FBXW2: variants seen among roughly 807,000 people sequenced by gnomAD.
FBXW2 encodes F-box and WD repeat domain containing 2.
A neutral mutation model predicts 46.0 loss-of-function variants in FBXW2; 12 were observed. That is an observed-to-expected ratio of 0.26 (90% CI 0.17 to 0.42). The LOEUF is 0.42. FBXW2 is among the 10% of genes least tolerant of loss of function. The pLI is 1.00. For missense variants in FBXW2, 360 were observed against 537.0 expected, an observed-to-expected ratio of 0.67 and a Z score of 3.26; for synonymous variants, 203 against 209.6, an observed-to-expected ratio of 0.97 and a Z score of 0.27.
In FBXW2 at chr9:120,760,050, A is replaced by T. The variant is rs1292830838; in HGVS notation, c.*4509T>A. On this transcript the variant is annotated 3_prime_UTR_variant, in exon 8 of 8. Transcript: ENST00000608872. ...TAATGGGCATTGTGTCAAAAAAGTG[A>T]ATCTGTTCTTTTCATCAGACATTCT... The T allele has an allele frequency of 6.6e-6, 1 of 152,312 alleles. No homozygotes were observed. Among genetic ancestry groups the T allele is most frequent in the Admixed American group, 6.5e-5 (1 of 15,296 alleles). 9.4% of individuals were successfully genotyped at this position (152,312 alleles called of 1,614,324 possible). A position where few individuals can be genotyped will look rare whatever the true frequency, so the allele number is the denominator to read the frequency against.
At chr9:120,766,175 C>T (rs759905690) in intron 7 of FBXW2, among the ~76,000 whole-genome samples, 3 of 151,964 alleles carry the variant, frequency 2.0e-5, no homozygotes, top group Non-Finnish European at 4.4e-5. Context: ...GACCTGGAGA[C>T]CAGGACAAGG....
chr9:120,778,682 A>G (rs557805414), intron 3 of FBXW2, 137 bp from the exon 4 acceptor site: 1 of 741,502 alleles, frequency 1.3e-6, no homozygotes, highest in African/African-American at 1.8e-5. Context: ...GAAGAAATCA[A>G]AGCACGGAGA....
At chr9:120,782,757 G>A (rs971113582) in intron 3 of FBXW2, among the ~76,000 whole-genome samples, 3 of 152,082 alleles carry the variant, frequency 2.0e-5, no homozygotes, top group African/African-American at 2.4e-5. Context: ...TGGAAGAATC[G>A]CTTGAGTCCA....
intron 7 of FBXW2, among the ~76,000 whole-genome samples, chr9:120,766,907 T>C (rs1588024707): frequency 6.6e-6 from 1 of 152,346 alleles, no homozygotes; most frequent in East Asian, 1.9e-4. Context: ...TGCTGAGTGC[T>C]GGCTGGGCCC....
intron 7 of FBXW2, among the ~76,000 whole-genome samples, chr9:120,768,639 G>A (rs2044317091): frequency 6.6e-6 from 1 of 152,090 alleles, no homozygotes; most frequent in Non-Finnish European, 1.5e-5. Flanking sequence ...TGGCCAACAG[G>A]ATGAAACCCC....
chr9:120,761,608 T>C lies in FBXW2; in HGVS notation c.*2951A>G, dbSNP rs535156742. On this transcript the variant is annotated 3_prime_UTR_variant, in exon 8 of 8. Transcript: ENST00000608872. ...TTTTGCAAAAAGGATGAGCTAGTTT[T>C]CCATTTTTATAAAAACTGGCGATAG... 8.5e-5 allele frequency: 13 copies of C among 152,330 alleles called. No individual in the cohort carries two copies. In the East Asian group the frequency reaches 1.7e-3, roughly 20 times the overall value. 9.4% of individuals were successfully genotyped at this position (152,330 alleles called of 1,614,324 possible).
chr9:120,781,279 T>C (rs2044606198), intron 3 of FBXW2, among the ~76,000 whole-genome samples: 1 of 152,098 alleles, frequency 6.6e-6, no homozygotes, highest in African/African-American at 2.4e-5. Flanking sequence ...AATATCTCTA[T>C]ATGCAACACA....
Position 120,759,778 on chromosome 9 carries a change from T to C in FBXW2, c.*4781A>G, listed in dbSNP as rs2044169747. Reference sequence around the variant, plus strand: ...CTTTAGGCTGCAATAATTAAGTGGGTTTACACTGGTCAGGATTGAATTACT... The same window carrying C: ...CTTTAGGCTGCAATAATTAAGTGGGCTTACACTGGTCAGGATTGAATTACT... On this transcript the variant is annotated 3_prime_UTR_variant, in exon 8 of 8. Transcript: ENST00000608872. The C allele has an allele frequency of 6.6e-6, 1 of 152,192 alleles. No individual in the cohort carries two copies. The highest frequency in any genetic ancestry group is 1.5e-5 in the Non-Finnish European group (1 of 68,034). The allele number at this position is 152,192 out of a possible 1,614,324, so 9.4% of individuals were successfully genotyped here.
chr9:120,772,060 GAAAAAAAAA>G (rs59520792), intron 6 of FBXW2, among the ~76,000 whole-genome samples: 1 of 51,302 alleles, frequency 1.9e-5, no homozygotes, highest in East Asian at 6.5e-4. Context: ...CCCTGTCTCA[GAAAAAAAAA>G]AAAAAAAAAA....
intron 7 of FBXW2, among the ~76,000 whole-genome samples, chr9:120,768,874 A>G (rs932741935): frequency 6.6e-6 from 1 of 152,150 alleles, no homozygotes; most frequent in African/African-American, 2.4e-5. Flanking sequence ...AAACAGCTAG[A>G]AAGTCTGGTA....
At chr9:120,785,155 T>A (rs1380508233) in intron 3 of FBXW2, among the ~76,000 whole-genome samples, 1 of 151,716 alleles carries the variant, frequency 6.6e-6, no homozygotes, top group African/African-American at 2.4e-5. Flanking sequence ...ACCACAGGTG[T>A]GAGCCAGCAC....
At chr9:120,767,984 C>T (rs779733082) in intron 7 of FBXW2, among the ~76,000 whole-genome samples, 1 of 152,208 alleles carries the variant, frequency 6.6e-6, no homozygotes, top group South Asian at 2.1e-4. Context: ...ATCAGTTAAC[C>T]TCACATACAA....
At chr9:120,771,746 C>A (rs561231163) in intron 6 of FBXW2, among the ~76,000 whole-genome samples, 1 of 152,278 alleles carries the variant, frequency 6.6e-6, no homozygotes, top group East Asian at 1.9e-4. Flanking sequence ...TAATGCCTAT[C>A]ACACGGGACA....
Position 120,759,521 on chromosome 9 carries a change from A to G in FBXW2, c.*5038T>C, listed in dbSNP as rs1054825085. ...CAAATTCGTGAAATATGAGTTGATTACTTTTTCCACATTGCTATAGATGTT... is the reference window on the plus strand; with the variant it reads ...CAAATTCGTGAAATATGAGTTGATTGCTTTTTCCACATTGCTATAGATGTT... On this transcript the variant is annotated 3_prime_UTR_variant, in exon 8 of 8. Coordinates refer to ENST00000608872, the MANE Select transcript of FBXW2 (RefSeq NM_012164.4). 6.6e-6 allele frequency: 1 copy of G among 152,212 alleles called. No homozygotes were observed. Among genetic ancestry groups the G allele is most frequent in the Non-Finnish European group, 1.5e-5 (1 of 68,030 alleles). The allele number at this position is 152,212 out of a possible 1,614,324, so 9.4% of individuals were successfully genotyped here. A position where few individuals can be genotyped will look rare whatever the true frequency, so the allele number is the denominator to read the frequency against.
chr9:120,790,871 G>A (rs1374768708), intron 2 of FBXW2, among the ~76,000 whole-genome samples: 1 of 151,876 alleles, frequency 6.6e-6, no homozygotes, highest in Non-Finnish European at 1.5e-5. Flanking sequence ...TAAAGATTAC[G>A]GAAGAAGCTT....
chr9:120,793,165 G>A lies in FBXW2; in HGVS notation c.-37C>T. On this transcript the variant is annotated 5_prime_UTR_variant, in exon 2 of 8. Transcript: ENST00000608872. ...GGCACTGACCTGAGCGAGCGCCCCG[G>A]GGCCCGGGACCTCGCGCCGGGTTCA... 1 of 581,988 alleles carries A rather than the reference G, an allele frequency of 1.7e-6. No homozygotes were observed. Among genetic ancestry groups the A allele is most frequent in the African/African-American group, 1.9e-5 (1 of 52,850 alleles). 36.1% of individuals were successfully genotyped at this position (581,988 alleles called of 1,614,324 possible). A position where few individuals can be genotyped will look rare whatever the true frequency, so the allele number is the denominator to read the frequency against.
At chr9:120,785,406 G>A (rs974483911) in intron 3 of FBXW2, among the ~76,000 whole-genome samples, 1 of 152,192 alleles carries the variant, frequency 6.6e-6, no homozygotes, top group Non-Finnish European at 1.5e-5. Flanking sequence ...AAGAACTGGT[G>A]ATGTTGTTCT....
rs115631023 is a variant in FBXW2 at position 120,783,884 on chromosome 9, G to T, written c.490+3885C>A. Among the ~76,000 whole-genome samples, 1,384 of 152,200 alleles carry T rather than the reference G, an allele frequency of 9.1e-3. 24 individuals are homozygous for T. The highest frequency in any genetic ancestry group is 0.032 in the African/African-American group (1,328 of 41,522). On this transcript the variant is annotated intron_variant, in intron 3 of 7. Coordinates refer to ENST00000608872, the MANE Select transcript of FBXW2 (RefSeq NM_012164.4). ...AATCTCTTCAATAAAACTGTCTATT[G>T]CTTACTCAAGGCACTAATGTGAGAG...
At chr9:120,774,337 CAAAAA>C (rs34199690) in intron 5 of FBXW2, among the ~76,000 whole-genome samples, 1 of 76,118 alleles carries the variant, frequency 1.3e-5, no homozygotes, top group African/African-American at 4.9e-5. Context: ...AACTCCATCT[CAAAAA>C]AAAAAAAAAA....
Sources: allele counts gnomAD v4.1 joint callset (sites outside exome capture counted in the v4.1 genomes callset), GRCh38; gene constraint gnomAD v4.1.1; transcripts MANE v1.5; gene names NCBI Gene and HGNC (gene_info 2026-07-23, HGNC 2026-07-21).